MAGI2: variants seen among roughly 807,000 people sequenced by gnomAD.
The protein encoded by MAGI2 is membrane associated guanylate kinase, WW and PDZ domain containing 2, also known as membrane-associated guanylate kinase, WW and PDZ domain-containing protein 2.
In MAGI2, 35 loss-of-function variants were observed where a neutral mutation model predicts 133.3. The ratio of observed to expected loss-of-function variants is 0.26; its 90% CI spans 0.20 to 0.35. The LOEUF (loss-of-function observed/expected upper bound fraction) is 0.35, where lower values mean the gene tolerates loss of function less well. Ranked by LOEUF, MAGI2 falls within the 10% of genes least tolerant of loss-of-function variation. The pLI is 1.00. For missense variants in MAGI2, 1,636 were observed against 1,863.4 expected, an observed-to-expected ratio of 0.88 and a Z score of 2.25; for synonymous variants, 729 against 710.6, an observed-to-expected ratio of 1.03 and a Z score of -0.41.
At chr7:78,674,399 G>C (rs1814756030) in intron 2 of MAGI2, among the ~76,000 whole-genome samples, 2 of 151,956 alleles carry the variant, frequency 1.3e-5, no homozygotes, top group Non-Finnish European at 2.9e-5. Context: ...TGCCTATTAT[G>C]CATGAGGTAC....
At chr7:79,245,307 T>C (rs1832739211) in intron 1 of MAGI2, among the ~76,000 whole-genome samples, 1 of 152,170 alleles carries the variant, frequency 6.6e-6, no homozygotes, top group South Asian at 2.1e-4. Flanking sequence ...CACAGAGGGA[T>C]GGTGCACCAG....
At chr7:79,124,182 A>G (rs557136217) in intron 1 of MAGI2, among the ~76,000 whole-genome samples, 2 of 152,358 alleles carry the variant, frequency 1.3e-5, no homozygotes, top group Admixed American at 1.3e-4. Context: ...GAGTGAGACT[A>G]TATTATTTTA....
chr7:78,240,044 T>C (rs1478706923), intron 10 of MAGI2, among the ~76,000 whole-genome samples: 1 of 152,184 alleles, frequency 6.6e-6, no homozygotes, highest in Non-Finnish European at 1.5e-5. Context: ...GCAGGTTTGT[T>C]ACATAGGTGT....
chr7:79,436,722 A>G (rs1366991481), intron 1 of MAGI2, among the ~76,000 whole-genome samples: 1 of 152,228 alleles, frequency 6.6e-6, no homozygotes, highest in East Asian at 1.9e-4. Context: ...TTGTGGAGAA[A>G]AGGGAATATT....
intron 3 of MAGI2, among the ~76,000 whole-genome samples, chr7:78,607,194 G>T (rs941781683): frequency 6.6e-6 from 1 of 152,066 alleles, no homozygotes; most frequent in Non-Finnish European, 1.5e-5. Context: ...TGTGAGAGGG[G>T]GCATCTTCTG....
chr7:79,053,134 G>A (rs578151509), intron 1 of MAGI2, among the ~76,000 whole-genome samples: 5 of 151,924 alleles, frequency 3.3e-5, no homozygotes, highest in East Asian at 1.9e-4. Flanking sequence ...CACCACGCCC[G>A]GCTAATTTTT....
chr7:78,207,213 C>T (rs1000876523), intron 10 of MAGI2, among the ~76,000 whole-genome samples: 9 of 140,986 alleles, frequency 6.4e-5, no homozygotes, highest in Admixed American at 3.0e-4. Flanking sequence ...CCACACAGAC[C>T]TTTCTACCTC....
chr7:78,205,511 A>G (rs1048921754), intron 10 of MAGI2, among the ~76,000 whole-genome samples: 2 of 152,214 alleles, frequency 1.3e-5, no homozygotes, highest in African/African-American at 2.4e-5. Flanking sequence ...ATTTTGGAGA[A>G]AACAATGAAT....
chr7:78,297,993 A>AAAAAAG (rs1797454639), intron 9 of MAGI2, among the ~76,000 whole-genome samples: 1 of 151,640 alleles, frequency 6.6e-6, no homozygotes, highest in South Asian at 2.1e-4. Context: ...AATTAAAAAA[A>AAAAAAG]AAGAATTGTC....
Position 78,775,320 on chromosome 7 carries a change from T to TAAAAA in MAGI2, c.419-148086_419-148082dup, listed in dbSNP as rs3086258. Among the ~76,000 whole-genome samples, 308 of 57,342 alleles carry TAAAAA rather than the reference T, an allele frequency of 5.4e-3. 42 individuals are homozygous for TAAAAA. The highest frequency in any genetic ancestry group is 8.9e-3 in the Admixed American group (33 of 3,710). The allele number at this position is 57,342 out of a possible 152,430, so 37.6% of individuals were successfully genotyped here. On this transcript the variant is annotated intron_variant, in intron 2 of 21. Transcript: ENST00000354212. ...AGAGCGAGACTCTGTCGTCTCAAAT[T>TAAAAA]AAAAAAAAAAAAAAAAAAAAAAAAA...
intron 1 of MAGI2, among the ~76,000 whole-genome samples, chr7:79,147,836 T>C (rs1327115924): frequency 6.6e-6 from 1 of 152,266 alleles, no homozygotes; most frequent in African/African-American, 2.4e-5. Flanking sequence ...TGCCAGGCCC[T>C]GGGTGCAGAT....
chr7:79,004,852 G>A (rs956731543), intron 2 of MAGI2, among the ~76,000 whole-genome samples: 9 of 152,182 alleles, frequency 5.9e-5, no homozygotes, highest in Admixed American at 2.0e-4. Flanking sequence ...GGAGGCCAAG[G>A]CAGGTGGATC....
intron 1 of MAGI2, among the ~76,000 whole-genome samples, chr7:79,400,632 A>G (rs1347819279): frequency 6.6e-6 from 1 of 152,180 alleles, no homozygotes; most frequent in East Asian, 1.9e-4. Context: ...CCTTGTCATG[A>G]TATACATTGT....
intron 1 of MAGI2, among the ~76,000 whole-genome samples, chr7:79,339,668 T>A (rs1311002248): frequency 6.6e-6 from 1 of 152,212 alleles, no homozygotes; most frequent in Non-Finnish European, 1.5e-5. Context: ...CCTGTCATCC[T>A]TGATTGGCTG....
At chr7:78,929,242 AC>A (rs1799934027) in intron 2 of MAGI2, among the ~76,000 whole-genome samples, 1 of 152,094 alleles carries the variant, frequency 6.6e-6, no homozygotes, top group African/African-American at 2.4e-5. Flanking sequence ...TAAAATGTCT[AC>A]AAAGCAGAAA....
chr7:79,117,431 T>A (rs1037455293), intron 1 of MAGI2, among the ~76,000 whole-genome samples: 1 of 152,262 alleles, frequency 6.6e-6, no homozygotes, highest in East Asian at 1.9e-4. Context: ...ATCAAAATCA[T>A]AATATGATTT....
chr7:78,207,196 T>A (rs543519789), intron 10 of MAGI2, among the ~76,000 whole-genome samples: 3 of 151,838 alleles, frequency 2.0e-5, no homozygotes, highest in Non-Finnish European at 2.9e-5. Flanking sequence ...GAAACTCACC[T>A]GAACACCCAC....
intron 9 of MAGI2, among the ~76,000 whole-genome samples, chr7:78,311,902 C>A (rs1024875068): frequency 6.6e-6 from 1 of 151,906 alleles, no homozygotes; most frequent in Non-Finnish European, 1.5e-5. Context: ...TCCCTAGTAG[C>A]TGGGATTACA....
intron 2 of MAGI2, among the ~76,000 whole-genome samples, chr7:78,914,475 G>A (rs1798636227): frequency 6.6e-6 from 1 of 152,052 alleles, no homozygotes; most frequent in Admixed American, 6.6e-5. Context: ...ATATCATAAA[G>A]TATAATGTTT....
Sources: gnomAD v4.1 joint callset for allele counts (sites outside exome capture counted in the v4.1 genomes callset) on GRCh38, gnomAD v4.1.1 for gene constraint, MANE v1.5 for transcripts, NCBI Gene and HGNC (gene_info 2026-07-23, HGNC 2026-07-21) for gene names.